Variants in CCDC7 observed in about 807,000 individuals in gnomAD.
The protein encoded by CCDC7 is coiled-coil domain-containing protein 7.
Under a neutral mutation model 196.9 loss-of-function variants are expected in CCDC7, and 183 were observed. The observed-to-expected ratio is 0.93, with a 90% confidence interval of 0.82 to 1.05. The LOEUF (loss-of-function observed/expected upper bound fraction) is 1.05. CCDC7 is among the 50% of genes least tolerant of loss of function. The probability of loss-of-function intolerance (pLI) is 0.00; values close to 1 mark genes in which losing one functional copy is unlikely to be tolerated. For missense variants in CCDC7, 1,540 were observed against 1,482.2 expected, an observed-to-expected ratio of 1.04 and a Z score of -0.64; for synonymous variants, 525 against 484.6, an observed-to-expected ratio of 1.08 and a Z score of -1.10.
chr10:32,736,832 C>A (rs1387286149), intron 28 of CCDC7, among the ~76,000 whole-genome samples: 6 of 151,972 alleles, frequency 3.9e-5, no homozygotes. Flanking sequence ...CAATTTTACT[C>A]ATTTTATATT....
intron 29 of CCDC7, among the ~76,000 whole-genome samples, chr10:32,796,882 C>T (rs920764729): frequency 6.6e-6 from 1 of 152,034 alleles, no homozygotes; most frequent in African/African-American, 2.4e-5. Flanking sequence ...TAAAAATAAC[C>T]TGGTGAAATT....
At chr10:32,839,028 C>T (rs1758634358) in intron 33 of CCDC7, among the ~76,000 whole-genome samples, 1 of 151,818 alleles carries the variant, frequency 6.6e-6, no homozygotes, top group South Asian at 2.1e-4. Context: ...CAAAATAGAA[C>T]CTCCTTAAAA....
At chr10:32,763,208 T>G (rs993832547) in intron 28 of CCDC7, among the ~76,000 whole-genome samples, 1 of 151,854 alleles carries the variant, frequency 6.6e-6, no homozygotes, top group Non-Finnish European at 1.5e-5. Context: ...GCAAAGAACC[T>G]AAATAGACAT....
rs770610218 is a variant in CCDC7, at chr10:32,567,719, A to C, written c.1247A>C (p.Lys416Thr). The change falls in exon 15 of 42, where the codon AAG becomes ACG. Residue 416 changes from lysine (K) to threonine (T), a missense_variant. Transcript: ENST00000639629. ...CTTAACTATTTCCTAAATCAAGAGAAGTTACTTAAAAGTGAGGGGAAAACT... is the reference window on the plus strand; with the variant it reads ...CTTAACTATTTCCTAAATCAAGAGACGTTACTTAAAAGTGAGGGGAAAACT... 2.5e-6 allele frequency: 4 copies of C among 1,613,408 alleles called. No individual in the cohort carries two copies. The African/African-American group carries it at 5.3e-5, about 22-fold the overall frequency.
chr10:32,748,367 A>G (rs2075145721), intron 28 of CCDC7, among the ~76,000 whole-genome samples: 1 of 152,128 alleles, frequency 6.6e-6, no homozygotes, highest in Non-Finnish European at 1.5e-5. Flanking sequence ...AGAAAAAAAA[A>G]GTAAAACATG....
Position 32,681,738 on chromosome 10 carries a change from TACACACACAC to T in CCDC7, c.2123-4194_2123-4185del, listed in dbSNP as rs57829018. ...GGATTCTTCAGTGTATTTATATGTA[TACACACACAC>T]ACACACACACACACACACACACACA... On this transcript the variant is annotated intron_variant, in intron 21 of 41. Coordinates refer to ENST00000639629, the Ensembl canonical transcript of CCDC7. 3.2e-3 allele frequency among the ~76,000 whole-genome samples: 446 copies of T among 137,592 alleles called. 1 individual carries two copies. The highest frequency in any genetic ancestry group is 7.7e-3 in the East Asian group (36 of 4,702). The allele number at this position is 137,592 out of a possible 152,430, so 90.3% of individuals were successfully genotyped here.
At chr10:32,700,773 C>T (rs536229574) in intron 24 of CCDC7, among the ~76,000 whole-genome samples, 1 of 152,264 alleles carries the variant, frequency 6.6e-6, no homozygotes. Flanking sequence ...TCCTTCACAT[C>T]CCTTGTAAGT....
intron 15 of CCDC7, among the ~76,000 whole-genome samples, chr10:32,569,404 G>C (rs982184793): frequency 6.6e-6 from 1 of 151,964 alleles, no homozygotes; most frequent in African/African-American, 2.4e-5. Flanking sequence ...TATTCTGAAG[G>C]ATGCTTTATA....
intron 9 of CCDC7, chr10:32,514,658 A>G (rs1182782534): frequency 6.6e-6 from 1 of 152,228 alleles, no homozygotes; most frequent in Non-Finnish European, 1.5e-5. Context: ...TCAAAAGTGA[A>G]ATAAAGAAAA....
chr10:32,529,986 T>C (rs1038669409), intron 11 of CCDC7, among the ~76,000 whole-genome samples: 3 of 152,190 alleles, frequency 2.0e-5, no homozygotes, highest in African/African-American at 7.2e-5. Flanking sequence ...TTCTCTTACA[T>C]GAGGCTTGCC....
intron 16 of CCDC7, among the ~76,000 whole-genome samples, chr10:32,576,988 A>T (rs1454998358): frequency 6.6e-6 from 1 of 152,134 alleles, no homozygotes; most frequent in East Asian, 1.9e-4. Context: ...ACATATAAAC[A>T]TAGAATATAA....
At chr10:32,748,333 A>C (rs1445375781) in intron 28 of CCDC7, among the ~76,000 whole-genome samples, 1 of 151,782 alleles carries the variant, frequency 6.6e-6, no homozygotes, top group South Asian at 2.1e-4. Flanking sequence ...CATCTAACAG[A>C]CCTCCACATG....
intron 11 of CCDC7, among the ~76,000 whole-genome samples, chr10:32,542,647 A>AT (rs1422187083): frequency 6.6e-6 from 1 of 151,262 alleles, no homozygotes; most frequent in Non-Finnish European, 1.5e-5. Flanking sequence ...AAAAAAAAAA[A>AT]AAAAAAGCAG....
At chr10:32,453,237 T>G (rs2033545054) in intron 1 of CCDC7, 107 bp from the exon 3 acceptor site, 1 of 826,372 alleles carries the variant, frequency 1.2e-6, no homozygotes, top group Non-Finnish European at 1.6e-6. Flanking sequence ...GAAATAAGTC[T>G]TACTGGTAAA....
chr10:32,835,409 A>G (rs1407631723), intron 33 of CCDC7, among the ~76,000 whole-genome samples: 1 of 152,132 alleles, frequency 6.6e-6, no homozygotes, highest in Non-Finnish European at 1.5e-5. Context: ...ACTATTCACA[A>G]TAGCAAAGAC....
At chr10:32,622,863 T>TA (rs1211234473) in intron 18 of CCDC7, among the ~76,000 whole-genome samples, 1 of 152,174 alleles carries the variant, frequency 6.6e-6, no homozygotes, top group South Asian at 2.1e-4. Context: ...ATAATAAGTT[T>TA]AAAAAATAGA....
At chr10:32,572,621 A>G (rs1020319387) in intron 16 of CCDC7, among the ~76,000 whole-genome samples, 4 of 152,188 alleles carry the variant, frequency 2.6e-5, no homozygotes, top group African/African-American at 7.2e-5. Flanking sequence ...CTAACTAAAC[A>G]TATACTAAAA....
intron 9 of CCDC7, among the ~76,000 whole-genome samples, chr10:32,507,173 A>T (rs1210656576): frequency 6.6e-6 from 1 of 151,924 alleles, no homozygotes; most frequent in African/African-American, 2.4e-5. Context: ...TTGTATTTTT[A>T]GTAGAGACGG....
intron 24 of CCDC7, among the ~76,000 whole-genome samples, chr10:32,709,440 G>A (rs1565237211): frequency 6.6e-6 from 1 of 151,928 alleles, no homozygotes; most frequent in Non-Finnish European, 1.5e-5. Context: ...TGCACGTTAT[G>A]CACATGTACC....
Sources: gnomAD v4.1 joint callset for allele counts (sites outside exome capture counted in the v4.1 genomes callset) on GRCh38, gnomAD v4.1.1 for gene constraint, MANE v1.5 for transcripts, NCBI Gene and HGNC (gene_info 2026-07-23, HGNC 2026-07-21) for gene names.